ESCO1: variants seen among roughly 807,000 people sequenced by gnomAD.
The protein encoded by ESCO1 is establishment of sister chromatid cohesion N-acetyltransferase 1.
Under a neutral mutation model 83.5 loss-of-function variants are expected in ESCO1, and 33 were observed. That is an observed-to-expected ratio of 0.40 (90% CI 0.30 to 0.53). ESCO1 has a LOEUF of 0.53. Ranked by LOEUF, ESCO1 falls within the 20% of genes least tolerant of loss-of-function variation. The pLI, the probability that ESCO1 is intolerant of heterozygous loss-of-function variation, is 0.63. For synonymous variants in ESCO1, 332 were observed against 324.3 expected, an observed-to-expected ratio of 1.02 and a Z score of -0.25; for missense variants, 855 against 968.0, an observed-to-expected ratio of 0.88 and a Z score of 1.55.
chr18:21,534,923 G>T (rs2037814732), intron 10 of ESCO1, among the ~76,000 whole-genome samples: 1 of 151,966 alleles, frequency 6.6e-6, no homozygotes. Flanking sequence ...TATGCCTGGT[G>T]GTGTGGGCCT....
rs1320118951 is a variant in ESCO1, at chr18:21,575,042, G to A, written c.-199C>T. ...CTGTCATTCCTAGAACATGAGAAAA[G>A]CTGGCATGAATGCTAAAAGACACTT... On this transcript the variant is annotated 5_prime_UTR_variant, in exon 4 of 12. Coordinates refer to ENST00000269214, the MANE Select transcript of ESCO1 (RefSeq NM_052911.3). 1 of 435,678 alleles carries A rather than the reference G, an allele frequency of 2.3e-6. No homozygotes were observed. Among genetic ancestry groups the A allele is most frequent in the East Asian group, 3.5e-5 (1 of 28,550 alleles). The allele number at this position is 435,678 out of a possible 1,614,324, so 27.0% of individuals were successfully genotyped here. A position where few individuals can be genotyped will look rare whatever the true frequency, so the allele number is the denominator to read the frequency against.
At chr18:21,568,496 G>A (rs1300884107) in intron 4 of ESCO1, among the ~76,000 whole-genome samples, 1 of 152,132 alleles carries the variant, frequency 6.6e-6, no homozygotes, top group Non-Finnish European at 1.5e-5. Context: ...AGTTTCGTCT[G>A]TCTAGACTAT....
intron 8 of ESCO1, among the ~76,000 whole-genome samples, chr18:21,546,652 C>G (rs2037978002): frequency 6.6e-6 from 1 of 152,106 alleles, no homozygotes; most frequent in African/African-American, 2.4e-5. Context: ...GCTCAAGCAA[C>G]TCTCCCAACT....
intron 8 of ESCO1, among the ~76,000 whole-genome samples, chr18:21,544,075 C>A (rs1487807399): frequency 6.6e-6 from 1 of 151,590 alleles, no homozygotes; most frequent in Non-Finnish European, 1.5e-5. Context: ...AGATCGAGAC[C>A]ATCCTGGCTA....
At chr18:21,582,966 C>A (rs1024273515) in intron 2 of ESCO1, among the ~76,000 whole-genome samples, 1 of 151,778 alleles carries the variant, frequency 6.6e-6, no homozygotes, top group Non-Finnish European at 1.5e-5. Context: ...CCAAGGTGTG[C>A]GAATCACCTG....
chr18:21,598,737 G>A (rs570709226), intron 1 of ESCO1, among the ~76,000 whole-genome samples: 2 of 151,802 alleles, frequency 1.3e-5, no homozygotes, highest in Non-Finnish European at 2.9e-5. Flanking sequence ...GTTCACTACA[G>A]GATTATAATA....
chr18:21,595,585 C>G (rs2038753250), intron 1 of ESCO1, among the ~76,000 whole-genome samples: 1 of 150,832 alleles, frequency 6.6e-6, no homozygotes, highest in Non-Finnish European at 1.5e-5. Flanking sequence ...ATGAGAATGG[C>G]TGAACCCGGG....
chr18:21,558,803 A>G (rs1449580243), intron 8 of ESCO1, among the ~76,000 whole-genome samples: 1 of 151,948 alleles, frequency 6.6e-6, no homozygotes, highest in African/African-American at 2.4e-5. Flanking sequence ...AGTCTTAAGT[A>G]GAACAAAACT....
chr18:21,589,767 G>T (rs767559569), intron 1 of ESCO1, among the ~76,000 whole-genome samples: 1 of 152,080 alleles, frequency 6.6e-6, no homozygotes, highest in Non-Finnish European at 1.5e-5. Flanking sequence ...GAGAACATCA[G>T]ACCTCTCACA....
At chr18:21,549,402 C>T (rs1053790958) in intron 8 of ESCO1, among the ~76,000 whole-genome samples, 4 of 152,068 alleles carry the variant, frequency 2.6e-5, no homozygotes, top group Non-Finnish European at 5.9e-5. Context: ...CCTGACATGA[C>T]ACACCTCCAG....
intron 4 of ESCO1, 43 bp from the exon 5 acceptor site, chr18:21,568,137 T>C (rs1054432257): frequency 1.4e-6 from 2 of 1,424,412 alleles, no homozygotes; most frequent in African/African-American, 2.9e-5. Flanking sequence ...ACTTTGGGTT[T>C]TATCTAAATA....
At position 21,575,370 on chromosome 18, in the gene ESCO1, C is replaced by G. The variant is rs1000270737; in HGVS notation, c.-527G>C. The G allele has an allele frequency of 2.5e-6, 1 of 398,008 alleles. No homozygotes were observed. The highest frequency in any genetic ancestry group is 4.4e-6 in the Non-Finnish European group (1 of 225,732). The allele number at this position is 398,008 out of a possible 1,614,324, so 24.7% of individuals were successfully genotyped here. A position where few individuals can be genotyped will look rare whatever the true frequency, so the allele number is the denominator to read the frequency against. ...GAGTCTGTTGGTTTGCAGTTCTTAT[C>G]TAACCTCCTTTGTTCAACAAAATAT... On this transcript the variant is annotated 5_prime_UTR_variant, in exon 4 of 12. Coordinates refer to ENST00000269214, the MANE Select transcript of ESCO1 (RefSeq NM_052911.3).
intron 8 of ESCO1, among the ~76,000 whole-genome samples, chr18:21,554,660 G>A (rs1054594639): frequency 1.3e-4 from 19 of 151,958 alleles, no homozygotes; most frequent in African/African-American, 4.6e-4. Flanking sequence ...CTGGAATCTC[G>A]GCACTTTGGG....
chr18:21,581,647 A>G (rs1236978557), intron 2 of ESCO1, among the ~76,000 whole-genome samples: 1 of 152,118 alleles, frequency 6.6e-6, no homozygotes, highest in Non-Finnish European at 1.5e-5. Context: ...AAATAAAAAT[A>G]GGCCCTAATC....
rs139995747 is a variant in ESCO1, at chr18:21,556,854, C to A, written c.1953+4005G>T. ...TAGCTGGGATTACAGGCGCGTGCCA[C>A]CACACCCAACTGATTTTTGTATTTT... On this transcript the variant is annotated intron_variant, in intron 8 of 11. Coordinates refer to ENST00000269214, the MANE Select transcript of ESCO1 (RefSeq NM_052911.3). 7.9e-3 allele frequency among the ~76,000 whole-genome samples: 1,199 copies of A among 152,256 alleles called. 16 individuals are homozygous for A. Among genetic ancestry groups the A allele is most frequent in the African/African-American group, 0.027 (1,124 of 41,540 alleles).
intron 2 of ESCO1, among the ~76,000 whole-genome samples, chr18:21,582,852 G>A (rs1415657555): frequency 6.6e-6 from 1 of 152,196 alleles, no homozygotes; most frequent in East Asian, 1.9e-4. Context: ...CAATGTCTAT[G>A]CAGGACAATC....
chr18:21,595,364 CAAAAAAAA>C (rs781532392), intron 1 of ESCO1, among the ~76,000 whole-genome samples: 1 of 43,746 alleles, frequency 2.3e-5, no homozygotes, highest in Non-Finnish European at 4.7e-5. Flanking sequence ...AACTCCGTCT[CAAAAAAAA>C]AAAAAAAAAA....
chr18:21,558,726 C>CAAA (rs59435992), intron 8 of ESCO1, among the ~76,000 whole-genome samples: 5 of 87,710 alleles, frequency 5.7e-5, no homozygotes, highest in African/African-American at 1.4e-4. Flanking sequence ...GACTCTGCCT[C>CAAA]AAAAAAAAAA....
intron 9 of ESCO1, among the ~76,000 whole-genome samples, chr18:21,538,754 T>TTTGGGACACACTCTAGTATAATTACTA (rs2037868186): frequency 2.6e-5 from 4 of 152,230 alleles, no homozygotes; most frequent in South Asian, 2.1e-4. Context: ...TTTCCAGACA[T>TTTGGGACACACTCTAGTATAATTACTA]TTGGGACACA....
Sources: allele counts gnomAD v4.1 joint callset (sites outside exome capture counted in the v4.1 genomes callset), GRCh38; gene constraint gnomAD v4.1.1; transcripts MANE v1.5; gene names NCBI Gene and HGNC (gene_info 2026-07-23, HGNC 2026-07-21).